The following MTHFD2L variants were observed in gnomAD, a reference collection of about 807,000 sequenced individuals.
MTHFD2L encodes the protein methylenetetrahydrofolate dehydrogenase (NADP+ dependent) 2 like.
In MTHFD2L, 29 loss-of-function variants were observed where a neutral mutation model predicts 34.9. The ratio of observed to expected loss-of-function variants is 0.83; its 90% CI spans 0.62 to 1.13. MTHFD2L has a LOEUF of 1.13. MTHFD2L is among the 50% of genes most tolerant of loss of function. The probability of loss-of-function intolerance (pLI) is 0.00; values close to 1 mark genes in which losing one functional copy is unlikely to be tolerated. For synonymous variants in MTHFD2L, 167 were observed against 155.7 expected (o/e 1.07, Z -0.54); for missense variants, 481 against 446.5 (o/e 1.08, Z -0.70).
At chr4:74,138,375 C>T (rs572982503) in intron 1 of MTHFD2L, among the ~76,000 whole-genome samples, 163 of 152,280 alleles carry the variant, frequency 1.1e-3, no homozygotes, top group Non-Finnish European at 1.8e-3. Flanking sequence ...GCTCCCAATA[C>T]GGCAGCAAAC....
At chr4:74,202,902 CATAT>C (rs527652555) in intron 5 of MTHFD2L, among the ~76,000 whole-genome samples, 1 of 151,846 alleles carries the variant, frequency 6.6e-6, no homozygotes, top group Non-Finnish European at 1.5e-5. Context: ...ACACACACAG[CATAT>C]ATATATAGAT....
upstream of MTHFD2L, among the ~76,000 whole-genome samples, chr4:74,120,419 C>A (rs920975082): frequency 6.6e-6 from 1 of 152,200 alleles, no homozygotes; most frequent in African/African-American, 2.4e-5. Context: ...CCAACTAATA[C>A]CATAGCTGCA....
In MTHFD2L at chr4:74,208,854, A is replaced by G. The variant is rs79824144; in HGVS notation, c.712+7484A>G. On this transcript the variant is annotated intron_variant, in intron 5 of 7. Transcript: ENST00000325278. ...CTCATTTCGCCCTCTAAAGAAGTACATCTAACTGCCATTAGAATAAGGATT... is the reference window on the plus strand; with the variant it reads ...CTCATTTCGCCCTCTAAAGAAGTACGTCTAACTGCCATTAGAATAAGGATT... Among the ~76,000 whole-genome samples, 937 of 152,214 alleles carry G rather than the reference A, an allele frequency of 6.2e-3. 26 individuals carry two copies. The highest frequency in any genetic ancestry group is 0.046 in the East Asian group (238 of 5,160).
At chr4:74,231,774 G>A (rs753461382) in intron 6 of MTHFD2L, among the ~76,000 whole-genome samples, 79 of 152,056 alleles carry the variant, frequency 5.2e-4, no homozygotes, top group Non-Finnish European at 1.8e-4. Context: ...CTTTCATAGC[G>A]ATGTCTACTT....
intron 1 of MTHFD2L, among the ~76,000 whole-genome samples, chr4:74,147,792 CT>C (rs1305324317): frequency 2.0e-5 from 3 of 151,982 alleles, no homozygotes; most frequent in Non-Finnish European, 2.9e-5. Flanking sequence ...TGTTGAGCAT[CT>C]TTTTTTTATT....
At chr4:74,237,403 C>T (rs955593873) in intron 6 of MTHFD2L, among the ~76,000 whole-genome samples, 1 of 152,184 alleles carries the variant, frequency 6.6e-6, no homozygotes, top group African/African-American at 2.4e-5. Flanking sequence ...AATCCCAACA[C>T]TTTGGGAGGC....
At chr4:74,183,926 A>T (rs1182245187) in intron 3 of MTHFD2L, 2 of 152,196 alleles carry the variant, frequency 1.3e-5, no homozygotes, top group African/African-American at 4.8e-5. Flanking sequence ...CAACAATAGC[A>T]CAAAAGTTTG....
chr4:74,191,283 T>C (rs76097940), intron 3 of MTHFD2L, among the ~76,000 whole-genome samples: 4,071 of 152,068 alleles, frequency 0.027, 180 homozygotes, highest in African/African-American at 0.093. Flanking sequence ...GTTGAGTAAA[T>C]AAATGATTGA....
At chr4:74,266,182 G>C (rs80256210) in intron 6 of MTHFD2L, among the ~76,000 whole-genome samples, 6 of 152,154 alleles carry the variant, frequency 3.9e-5, no homozygotes, top group African/African-American at 1.4e-4. Context: ...CATCTATGTG[G>C]ACTCTTATGT....
At chr4:74,209,415 A>G (rs1048673439) in intron 5 of MTHFD2L, among the ~76,000 whole-genome samples, 3 of 151,210 alleles carry the variant, frequency 2.0e-5, no homozygotes, top group African/African-American at 7.3e-5. Context: ...TCGTTGTTCA[A>G]CTCCCACTTA....
intron 1 of MTHFD2L, among the ~76,000 whole-genome samples, chr4:74,172,795 T>G (rs2109950682): frequency 6.6e-6 from 1 of 152,272 alleles, no homozygotes; most frequent in African/African-American, 2.4e-5. Flanking sequence ...TACATCAAAA[T>G]TGCATGAACT....
chr4:74,275,516 C>A (rs1479496537), intron 6 of MTHFD2L, among the ~76,000 whole-genome samples: 1 of 152,114 alleles, frequency 6.6e-6, no homozygotes, highest in African/African-American at 2.4e-5. Flanking sequence ...CTTGAGGAAT[C>A]ACCACACTGT....
chr4:74,297,470 A>C (rs2110328821), intron 7 of MTHFD2L, among the ~76,000 whole-genome samples: 1 of 152,178 alleles, frequency 6.6e-6, no homozygotes, highest in East Asian at 1.9e-4. Flanking sequence ...TCCCTTAAAC[A>C]GACACAAATA....
intron 3 of MTHFD2L, among the ~76,000 whole-genome samples, chr4:74,180,065 A>G (rs531063391): frequency 1.2e-4 from 19 of 152,222 alleles, no homozygotes; most frequent in African/African-American, 4.3e-4. Context: ...TCATTTATTT[A>G]TATCATTTTT....
At chr4:74,197,094 C>T (rs548885442) in intron 3 of MTHFD2L, among the ~76,000 whole-genome samples, 1 of 152,166 alleles carries the variant, frequency 6.6e-6, no homozygotes, top group African/African-American at 2.4e-5. Flanking sequence ...GATTTAATGA[C>T]TTCTCATAAC....
At chr4:74,118,516 G>C (rs1721693885), upstream of MTHFD2L, among the ~76,000 whole-genome samples, 1 of 152,096 alleles carries the variant, frequency 6.6e-6, no homozygotes. Flanking sequence ...TGAACTCTCA[G>C]TACACCTCAG....
intron 5 of MTHFD2L, among the ~76,000 whole-genome samples, chr4:74,224,757 A>G (rs1738870497): frequency 6.6e-6 from 1 of 152,080 alleles, no homozygotes; most frequent in African/African-American, 2.4e-5. Context: ...TTTTCCTGCT[A>G]TTCTTTTAGC....
intron 6 of MTHFD2L, among the ~76,000 whole-genome samples, chr4:74,278,231 T>C (rs1746945414): frequency 6.6e-6 from 1 of 152,122 alleles, no homozygotes; most frequent in South Asian, 2.1e-4. Flanking sequence ...TACAACCAAC[T>C]ATTCCAGAGA....
At chr4:74,217,593 G>A (rs1737412389) in intron 5 of MTHFD2L, among the ~76,000 whole-genome samples, 1 of 151,714 alleles carries the variant, frequency 6.6e-6, no homozygotes, top group Non-Finnish European at 1.5e-5. Context: ...AAGTGACAAA[G>A]CAAAACTCTA....
Sources: gnomAD v4.1 joint callset for allele counts (sites outside exome capture counted in the v4.1 genomes callset) on GRCh38, gnomAD v4.1.1 for gene constraint, MANE v1.5 for transcripts, NCBI Gene and HGNC (gene_info 2026-07-23, HGNC 2026-07-21) for gene names.